Variants in CDH1 observed in about 807,000 individuals in gnomAD.
CDH1 encodes the protein cadherin 1, also known as cadherin-1.
A neutral mutation model predicts 84.5 loss-of-function variants in CDH1; 35 were observed. The ratio of observed to expected loss-of-function variants is 0.41; its 90% CI spans 0.32 to 0.55. The LOEUF is 0.55. Ranked by LOEUF, CDH1 falls within the 20% of genes least tolerant of loss-of-function variation. CDH1 has a pLI of 0.19. For synonymous variants in CDH1, 417 were observed against 439.0 expected, an observed-to-expected ratio of 0.95 and a Z score of 0.63; for missense variants, 994 against 1,126.6, an observed-to-expected ratio of 0.88 and a Z score of 1.68.
chr16:68,804,217 C>T (rs551906971), intron 3 of CDH1, among the ~76,000 whole-genome samples: 292 of 147,312 alleles, frequency 2.0e-3, no homozygotes, highest in Non-Finnish European at 3.4e-3. Flanking sequence ...GGATTCATGC[C>T]ATTCTCCTGC....
At chr16:68,796,046 C>A (rs906337853) in intron 2 of CDH1, among the ~76,000 whole-genome samples, 2 of 151,848 alleles carry the variant, frequency 1.3e-5, no homozygotes, top group Admixed American at 6.6e-5. Flanking sequence ...ACCTGTAATC[C>A]CAGCTACTCG....
chr16:68,787,825 A>ATTTTTCTTTT (rs1960100440), intron 2 of CDH1, among the ~76,000 whole-genome samples: 2 of 102,354 alleles, frequency 2.0e-5, no homozygotes, highest in Non-Finnish European at 3.9e-5. Flanking sequence ...CGCCCGGCTA[A>ATTTTTCTTTT]TTTTTTTTTT....
chr16:68,748,111 C>CT (rs35209843), intron 2 of CDH1, among the ~76,000 whole-genome samples: 9,206 of 113,120 alleles, frequency 0.081, 716 homozygotes, highest in African/African-American at 0.19. Flanking sequence ...AAATTATTTA[C>CT]TTTTTTTTTT....
rs1961605731 is a variant in CDH1 at position 68,835,242 on chromosome 16, A to G, written c.*1743A>G. The stretch of plus-strand genomic sequence containing the variant: ...TCTTTTTATTTAAATGTGAATTTCA[A>G]CTTTTGACAATCAAAGAAAAGACTT... On this transcript the variant is annotated 3_prime_UTR_variant, in exon 16 of 16. Coordinates refer to ENST00000261769, the MANE Select transcript of CDH1 (RefSeq NM_004360.5). The G allele has an allele frequency of 1.7e-5, 4 of 229,938 alleles. No homozygotes were observed. The highest frequency in any genetic ancestry group is 2.6e-5 in the Non-Finnish European group (3 of 116,072). 14.2% of individuals were successfully genotyped at this position (229,938 alleles called of 1,614,324 possible).
At chr16:68,737,515 C>CGCCCAGCCCCGT in intron 1 of CDH1, 52 bp downstream of exon 1, 1 of 1,351,402 alleles carries the variant, frequency 7.4e-7, no homozygotes, top group Non-Finnish European at 1.0e-6. Flanking sequence ...GCAAGCTCCG[C>CGCCCAGCCCCGT]GCCCCAGCCC....
intron 2 of CDH1, among the ~76,000 whole-genome samples, chr16:68,757,741 C>G (rs12446575): frequency 0.24 from 36,750 of 150,652 alleles, 4,744 homozygotes; most frequent in Admixed American, 0.29. Flanking sequence ...TTCTTTCTTT[C>G]TCTCTCTCTT....
chr16:68,812,229 C>G lies in CDH1; in HGVS notation c.1103C>G (p.Thr368Ser), dbSNP rs367868307. 6.2e-7 allele frequency: 1 copy of G among 1,614,150 alleles called. No homozygotes were observed. The highest frequency in any genetic ancestry group is 8.5e-7 in the Non-Finnish European group (1 of 1,179,988). Residue 368 changes from threonine (T) to serine (S), a missense_variant, in exon 8 of 16, where the codon ACC becomes AGC. Thr to Ser is a moderately conservative substitution (Grantham distance 58). Transcript: ENST00000261769. ...TATAVITVTD[T>S]NDNPPIFNPT... ...ACAGCTGTGATCACAGTCACTGACACCAACGATAATCCTCCGATCTTCAAT... is the reference window on the plus strand; with the variant it reads ...ACAGCTGTGATCACAGTCACTGACAGCAACGATAATCCTCCGATCTTCAAT...
At chr16:68,776,657 C>A (rs1229615730) in intron 2 of CDH1, among the ~76,000 whole-genome samples, 1 of 152,120 alleles carries the variant, frequency 6.6e-6, no homozygotes, top group Non-Finnish European at 1.5e-5. Flanking sequence ...GGCATGAGTT[C>A]CTGCACCTGG....
chr16:68,773,944 C>A (rs1597865679), intron 2 of CDH1, among the ~76,000 whole-genome samples: 1 of 152,154 alleles, frequency 6.6e-6, no homozygotes, highest in East Asian at 1.9e-4. Context: ...TAAGACAGGG[C>A]CACGTTCTGT....
At chr16:68,756,334 T>G (rs1375916928) in intron 2 of CDH1, among the ~76,000 whole-genome samples, 1 of 152,108 alleles carries the variant, frequency 6.6e-6, no homozygotes, top group Non-Finnish European at 1.5e-5. Context: ...ATCCCTTGAA[T>G]AAGCAGTGAG....
Position 68,738,936 on chromosome 16 carries a change from C to CTTTTTTTTTTTTTTT in CDH1, c.163+539_163+553dup. ...TGGCTTTTGTTTACAGATATAAAAG[C>CTTTTTTTTTTTTTTT]TTTTTTTTTTTTTTTTTTTTTTTTT... On this transcript the variant is annotated intron_variant, in intron 2 of 15. Coordinates refer to ENST00000261769, the MANE Select transcript of CDH1 (RefSeq NM_004360.5). Among the ~76,000 whole-genome samples the CTTTTTTTTTTTTTTT allele has an allele frequency of 1.7e-4, 2 of 11,434 alleles. 1 individual carries two copies. The allele number at this position is 11,434 out of a possible 152,430, so 7.5% of individuals were successfully genotyped here. A position where few individuals can be genotyped will look rare whatever the true frequency, so the allele number is the denominator to read the frequency against.
At chr16:68,831,080 T>TC (rs1961471087) in intron 15 of CDH1, among the ~76,000 whole-genome samples, 3 of 130,106 alleles carry the variant, frequency 2.3e-5, no homozygotes, top group Admixed American at 7.5e-5. Flanking sequence ...TTTTTTTTTT[T>TC]TTTTTTTTTT....
intron 3 of CDH1, among the ~76,000 whole-genome samples, chr16:68,803,132 T>C (rs1960560152): frequency 6.6e-6 from 1 of 152,162 alleles, no homozygotes; most frequent in Non-Finnish European, 1.5e-5. Context: ...GTGTGGAATA[T>C]GTTGTAAGTG....
At chr16:68,782,763 A>G (rs879585469) in intron 2 of CDH1, among the ~76,000 whole-genome samples, 2 of 152,030 alleles carry the variant, frequency 1.3e-5, no homozygotes, top group African/African-American at 4.8e-5. Context: ...AGAATTGTTG[A>G]CAGTGAGCCC....
Position 68,738,296 on chromosome 16 carries a change from G to T in CDH1, c.49-1G>T, listed in dbSNP as rs2152114329. On this transcript the variant is annotated splice_acceptor_variant, in intron 1 of 15. Coordinates refer to ENST00000261769, the MANE Select transcript of CDH1 (RefSeq NM_004360.5). LOFTEE classifies it high-confidence loss of function. ...TTCCATCTACCTTTCCCCCACCCCA[G>T]GTCTCCTCTTGGCTCTGCCAGGAGC... 1.3e-6 allele frequency: 2 copies of T among 1,545,024 alleles called. No individual in the cohort carries two copies. Among genetic ancestry groups the T allele is most frequent in the Non-Finnish European group, 1.8e-6 (2 of 1,141,018 alleles).
chr16:68,740,331 C>T (rs894240374), intron 2 of CDH1, among the ~76,000 whole-genome samples: 2 of 152,100 alleles, frequency 1.3e-5, no homozygotes, highest in Non-Finnish European at 2.9e-5. Flanking sequence ...AGAGAAACTA[C>T]AGCTCGACTG....
chr16:68,821,897 G>C, intron 11 of CDH1, 104 bp from the exon 12 acceptor site: 1 of 890,200 alleles, frequency 1.1e-6, no homozygotes, highest in East Asian at 2.5e-5. Flanking sequence ...CCTGGTGAGG[G>C]ACCACTGAAG....
intron 2 of CDH1, among the ~76,000 whole-genome samples, chr16:68,780,573 C>T (rs143715019): frequency 2.6e-3 from 394 of 152,270 alleles, no homozygotes; most frequent in Middle Eastern, 6.8e-3. Flanking sequence ...TTACGGGCTT[C>T]GGCCACCATG....
intron 10 of CDH1, among the ~76,000 whole-genome samples, chr16:68,818,548 T>A (rs1389744203): frequency 6.7e-6 from 1 of 149,526 alleles, no homozygotes; most frequent in Non-Finnish European, 1.5e-5. Context: ...TTTTTTTTTT[T>A]TTTTAAAGAC....
Sources: allele counts gnomAD v4.1 joint callset (sites outside exome capture counted in the v4.1 genomes callset), GRCh38; gene constraint gnomAD v4.1.1; transcripts MANE v1.5; gene names NCBI Gene and HGNC (gene_info 2026-07-23, HGNC 2026-07-21).